Variants in LRRC20 observed in about 807,000 individuals in gnomAD.
LRRC20 encodes leucine-rich repeat-containing protein 20.
Under a neutral mutation model 14.4 loss-of-function variants are expected in LRRC20, and 11 were observed. The ratio of observed to expected loss-of-function variants is 0.77; its 90% CI spans 0.48 to 1.27. The LOEUF is 1.27. LRRC20 is among the 50% of genes most tolerant of loss of function. The pLI is 0.00. For missense variants in LRRC20, 219 were observed against 251.2 expected (o/e 0.87, Z 0.87); for synonymous variants, 121 against 107.3 (o/e 1.13, Z -0.79).
chr10:70,304,587 T>C (rs567033977), intron 4 of LRRC20, among the ~76,000 whole-genome samples: 88 of 150,668 alleles, frequency 5.8e-4, no homozygotes, highest in Non-Finnish European at 9.9e-4. Context: ...AAATTTACCA[T>C]ACTAACCATT....
At chr10:70,337,289 C>A (rs1842750741) in intron 3 of LRRC20, among the ~76,000 whole-genome samples, 1 of 152,186 alleles carries the variant, frequency 6.6e-6, no homozygotes, top group Non-Finnish European at 1.5e-5. Context: ...AAAGAGAAAC[C>A]ACAACAAAGG....
chr10:70,320,718 TC>T (rs1207755180), intron 4 of LRRC20, among the ~76,000 whole-genome samples: 1 of 152,104 alleles, frequency 6.6e-6, no homozygotes, highest in Non-Finnish European at 1.5e-5. Context: ...ACAAAAGCCA[TC>T]CACGTGCCAC....
intron 4 of LRRC20, among the ~76,000 whole-genome samples, chr10:70,302,267 C>T (rs192142994): frequency 7.2e-5 from 11 of 152,074 alleles, no homozygotes; most frequent in Admixed American, 5.2e-4. Flanking sequence ...GAGGGGAAAT[C>T]GCACCACTGC....
At chr10:70,373,280 A>G (rs1844382283) in intron 2 of LRRC20, among the ~76,000 whole-genome samples, 1 of 152,202 alleles carries the variant, frequency 6.6e-6, no homozygotes, top group Admixed American at 6.5e-5. Flanking sequence ...GTCTACTTCA[A>G]TACCCAGCAA....
chr10:70,323,104 T>C (rs978039606), intron 4 of LRRC20, among the ~76,000 whole-genome samples: 13 of 151,916 alleles, frequency 8.6e-5, no homozygotes, highest in African/African-American at 3.1e-4. Context: ...TCAGAGGCCA[T>C]GTGAGAGAGG....
intron 2 of LRRC20, among the ~76,000 whole-genome samples, chr10:70,356,569 A>G (rs1327373266): frequency 1.3e-5 from 2 of 151,830 alleles, no homozygotes; most frequent in Admixed American, 1.3e-4. Context: ...ACCTGTATGT[A>G]GTGCTGGGCA....
intron 1 of LRRC20, among the ~76,000 whole-genome samples, chr10:70,381,293 A>G (rs1844698733): frequency 6.6e-6 from 1 of 152,268 alleles, no homozygotes; most frequent in South Asian, 2.1e-4. Context: ...ACCAGTAGGT[A>G]ATCAAACAGG....
intron 4 of LRRC20, among the ~76,000 whole-genome samples, chr10:70,317,319 T>C (rs1200041855): frequency 7.0e-6 from 1 of 142,898 alleles, no homozygotes; most frequent in Non-Finnish European, 1.6e-5. Flanking sequence ...TCTGCTTCTG[T>C]TTTCACCATG....
At chr10:70,358,143 A>G (rs555940545) in intron 2 of LRRC20, among the ~76,000 whole-genome samples, 97 of 152,312 alleles carry the variant, frequency 6.4e-4, no homozygotes, top group African/African-American at 2.3e-3. Context: ...CCTTTAACCC[A>G]GTGTCTTTGG....
intron 3 of LRRC20, among the ~76,000 whole-genome samples, chr10:70,326,611 C>T (rs1021891221): frequency 3.9e-5 from 6 of 152,190 alleles, no homozygotes; most frequent in African/African-American, 1.4e-4. Flanking sequence ...ACCCAGGCTT[C>T]CCCTGGCAGC....
At chr10:70,308,879 C>G (rs984492665) in intron 4 of LRRC20, among the ~76,000 whole-genome samples, 1 of 152,212 alleles carries the variant, frequency 6.6e-6, no homozygotes, top group African/African-American at 2.4e-5. Flanking sequence ...GTACAAATGT[C>G]ATACCACACA....
At chr10:70,326,271 C>T (rs55692839) in intron 3 of LRRC20, among the ~76,000 whole-genome samples, 32,005 of 149,804 alleles carry the variant, frequency 0.21, 3,753 homozygotes, top group Non-Finnish European at 0.24. Flanking sequence ...AAAACTGACC[C>T]CTGCCCCCTT....
chr10:70,321,557 A>AG (rs1331952048), intron 4 of LRRC20, among the ~76,000 whole-genome samples: 1 of 152,234 alleles, frequency 6.6e-6, no homozygotes, highest in Non-Finnish European at 1.5e-5. Context: ...AGAACAACCA[A>AG]GGCCTCCTGC....
chr10:70,335,506 G>T (rs2136998124), intron 3 of LRRC20, among the ~76,000 whole-genome samples: 1 of 152,334 alleles, frequency 6.6e-6, no homozygotes, highest in South Asian at 2.1e-4. Flanking sequence ...TGAGATGAGG[G>T]AACTCATCGC....
At chr10:70,312,631 G>A (rs984107706) in intron 4 of LRRC20, among the ~76,000 whole-genome samples, 3 of 152,202 alleles carry the variant, frequency 2.0e-5, no homozygotes, top group African/African-American at 4.8e-5. Context: ...TCCTGCTGAC[G>A]ATGGGCCATT....
chr10:70,344,954 T>A (rs538024205), intron 2 of LRRC20, among the ~76,000 whole-genome samples: 1 of 152,350 alleles, frequency 6.6e-6, no homozygotes, highest in East Asian at 1.9e-4. Context: ...ACCGGTTTTT[T>A]AAAGAAATTA....
chr10:70,334,395 C>T (rs11813163), intron 3 of LRRC20, among the ~76,000 whole-genome samples: 2,247 of 152,300 alleles, frequency 0.015, 50 homozygotes, highest in African/African-American at 0.052. Context: ...GTGACCCCAA[C>T]ACCCCAACAG....
At chr10:70,354,276 C>T (rs1308430571) in intron 2 of LRRC20, among the ~76,000 whole-genome samples, 1 of 152,072 alleles carries the variant, frequency 6.6e-6, no homozygotes, top group Non-Finnish European at 1.5e-5. Flanking sequence ...GAACTCTGCA[C>T]CATACCATCA....
At chr10:70,312,802 C>T (rs1026863568) in intron 4 of LRRC20, among the ~76,000 whole-genome samples, 2 of 152,212 alleles carry the variant, frequency 1.3e-5, no homozygotes, top group Admixed American at 6.5e-5. Context: ...CATCGGTGCT[C>T]TCCAGGGAGG....
Sources: allele counts gnomAD v4.1 joint callset (sites outside exome capture counted in the v4.1 genomes callset), GRCh38; gene constraint gnomAD v4.1.1; transcripts MANE v1.5; gene names NCBI Gene and HGNC (gene_info 2026-07-23, HGNC 2026-07-21).